TIMP3: variants seen among roughly 807,000 people sequenced by gnomAD.
The protein encoded by TIMP3 is metalloproteinase inhibitor 3.
In TIMP3, 11 loss-of-function variants were observed where a neutral mutation model predicts 30.0. The observed-to-expected ratio is 0.37, with a 90% CI of 0.23 to 0.61. The LOEUF (loss-of-function observed/expected upper bound fraction) is 0.61. TIMP3 is among the 20% of genes least tolerant of loss of function. TIMP3 has a pLI of 0.70. For missense variants in TIMP3, 181 were observed against 276.8 expected (o/e 0.65, Z 2.45); for synonymous variants, 112 against 111.3 (o/e 1.01, Z -0.04).
At chr22:32,847,955 C>T (rs560483028) in intron 1 of TIMP3, among the ~76,000 whole-genome samples, 60 of 152,364 alleles carry the variant, frequency 3.9e-4, no homozygotes, top group Middle Eastern at 3.4e-3. Context: ...TGGCAGCCCC[C>T]CTGCCTTTTG....
At chr22:32,808,453 C>T (rs1601408588) in intron 1 of TIMP3, among the ~76,000 whole-genome samples, 1 of 152,088 alleles carries the variant, frequency 6.6e-6, no homozygotes, top group East Asian at 1.9e-4. Context: ...GCTGGGGTCT[C>T]ATTATTATGG....
Position 32,802,013 on chromosome 22 carries a change from G to T in TIMP3, c.12G>T (p.Trp4Cys). MTP[W>C]LGLIVLLGSW... is the part of the protein sequence containing the mutation. ...CGGCAGCAGCGGCAATGACCCCTTG[G>T]CTCGGGCTCATCGTGCTCCTGGGCA... Residue 4 changes from tryptophan (W) to cysteine (C), a missense_variant, in exon 1 of 5, where the codon TGG becomes TGT. Trp to Cys is a radical substitution (Grantham distance 215, BLOSUM62 -2). This residue lies in a region of TIMP3 where 71 missense variants were observed against 79.7 expected (regional missense o/e 0.89). Transcript: ENST00000266085. 1 of 1,580,392 alleles carries T rather than the reference G, an allele frequency of 6.3e-7. No homozygotes were observed. The highest frequency in any genetic ancestry group is 1.1e-5 in the South Asian group (1 of 87,106).
At chr22:32,854,697 C>T (rs2048315096) in intron 2 of TIMP3, among the ~76,000 whole-genome samples, 1 of 152,146 alleles carries the variant, frequency 6.6e-6, no homozygotes, top group Non-Finnish European at 1.5e-5. Flanking sequence ...CATCGTGACT[C>T]TACCCACCCC....
intron 1 of TIMP3, among the ~76,000 whole-genome samples, chr22:32,840,084 G>T (rs545468159): frequency 6.6e-6 from 1 of 152,238 alleles, no homozygotes; most frequent in South Asian, 2.1e-4. Flanking sequence ...TGAGAAACAG[G>T]AATCTCTGGG....
intron 1 of TIMP3, among the ~76,000 whole-genome samples, chr22:32,831,865 C>CA (rs537524516): frequency 2.9e-4 from 44 of 152,014 alleles, no homozygotes; most frequent in African/African-American, 1.0e-3. Context: ...CAACCTCCAC[C>CA]AAAAAAAGAC....
rs554819474 is a variant in TIMP3, at chr22:32,839,993, C to A, written c.122-9459C>A. On this transcript the variant is annotated intron_variant, in intron 1 of 4. Transcript: ENST00000266085. ...GAGCCAGGAGCTCACAAAGGCCCCT[C>A]CTCCCCTTCCCCGGGAGGTCCAGGA... Among the ~76,000 whole-genome samples, 5 of 152,214 alleles carry A rather than the reference C, an allele frequency of 3.3e-5. No homozygotes were observed. The East Asian group carries it at 9.8e-4, about 30-fold the overall frequency.
At chr22:32,815,994 G>C (rs150321393) in intron 1 of TIMP3, among the ~76,000 whole-genome samples, 1 of 152,316 alleles carries the variant, frequency 6.6e-6, no homozygotes, top group East Asian at 1.9e-4. Context: ...GTAAGGAACA[G>C]AACAGGGAGG....
intron 1 of TIMP3, 107 bp downstream of exon 1, chr22:32,802,229 G>C (rs2046608299): frequency 2.1e-6 from 3 of 1,460,468 alleles, no homozygotes; most frequent in Non-Finnish European, 2.7e-6. Flanking sequence ...CCAGGAGAGG[G>C]GCAGACGGGG....
Position 32,859,580 on chromosome 22 carries a change from T to A in TIMP3, c.*203T>A. The A allele has an allele frequency of 1.5e-6, 1 of 647,788 alleles. No individual in the cohort carries two copies. The highest frequency in any genetic ancestry group is 2.3e-5 in the South Asian group (1 of 43,878). The allele number at this position is 647,788 out of a possible 1,614,324, so 40.1% of individuals were successfully genotyped here. A position where few individuals can be genotyped will look rare whatever the true frequency, so the allele number is the denominator to read the frequency against. ...GCCCCACCCTGCCCCTTCTTTTTGGTTTTGACATCATTCATTTCCACCTGG... is the reference window on the plus strand; with the variant it reads ...GCCCCACCCTGCCCCTTCTTTTTGGATTTGACATCATTCATTTCCACCTGG... On this transcript the variant is annotated 3_prime_UTR_variant, in exon 5 of 5. Coordinates refer to ENST00000266085, the MANE Select transcript of TIMP3 (RefSeq NM_000362.5).
At chr22:32,836,702 G>C (rs973224520) in intron 1 of TIMP3, among the ~76,000 whole-genome samples, 14 of 152,134 alleles carry the variant, frequency 9.2e-5, no homozygotes, top group Admixed American at 8.5e-4. Context: ...GAGTGAGTAG[G>C]GGACACCCGC....
chr22:32,829,969 T>G (rs1463279534), intron 1 of TIMP3, among the ~76,000 whole-genome samples: 3 of 152,200 alleles, frequency 2.0e-5, no homozygotes, highest in Non-Finnish European at 4.4e-5. Context: ...TCTGCATTGC[T>G]CTGGGGTGTT....
At chr22:32,807,312 A>G (rs1195609273) in intron 1 of TIMP3, among the ~76,000 whole-genome samples, 1 of 121,756 alleles carries the variant, frequency 8.2e-6, no homozygotes, top group Non-Finnish European at 1.6e-5. Flanking sequence ...ATATAAATAT[A>G]TAATATATAA....
chr22:32,802,336 G>A (rs1450190939), intron 1 of TIMP3, among the ~76,000 whole-genome samples: 1 of 152,132 alleles, frequency 6.6e-6, no homozygotes, highest in Non-Finnish European at 1.5e-5. Context: ...AGTGGCTGAG[G>A]GAGCCCCTGG....
At chr22:32,827,701 A>G (rs2047453491) in intron 1 of TIMP3, among the ~76,000 whole-genome samples, 1 of 152,194 alleles carries the variant, frequency 6.6e-6, no homozygotes, top group South Asian at 2.1e-4. Flanking sequence ...AAAGCCCTCC[A>G]GTGGCTTCTT....
rs1435014564 is a variant in TIMP3 at position 32,859,714 on chromosome 22, G to A, written c.*337G>A. ...ACAAAAATGAAAAACTACTCCATTTGAGGATTGTAATTCCCACCCCTCTTG... is the reference window on the plus strand; with the variant it reads ...ACAAAAATGAAAAACTACTCCATTTAAGGATTGTAATTCCCACCCCTCTTG... On this transcript the variant is annotated 3_prime_UTR_variant, in exon 5 of 5. Coordinates refer to ENST00000266085, the MANE Select transcript of TIMP3 (RefSeq NM_000362.5). The A allele has an allele frequency of 3.3e-6, 1 of 307,140 alleles. No homozygotes were observed. Among genetic ancestry groups the A allele is most frequent in the Non-Finnish European group, 6.1e-6 (1 of 164,282 alleles). The allele number at this position is 307,140 out of a possible 1,614,324, so 19.0% of individuals were successfully genotyped here.
chr22:32,854,102 T>G (rs2048297448), intron 2 of TIMP3, among the ~76,000 whole-genome samples: 1 of 152,242 alleles, frequency 6.6e-6, no homozygotes, highest in African/African-American at 2.4e-5. Context: ...TAGATCTCTA[T>G]GATTACAGAC....
At chr22:32,805,199 G>T (rs2046695445) in intron 1 of TIMP3, among the ~76,000 whole-genome samples, 1 of 152,122 alleles carries the variant, frequency 6.6e-6, no homozygotes, top group South Asian at 2.1e-4. Context: ...TTCGGGGCCT[G>T]CCTCTGAGCC....
rs150866184 is a variant in TIMP3, at chr22:32,828,821, G to A, written c.122-20631G>A. 2.6e-3 allele frequency among the ~76,000 whole-genome samples: 392 copies of A among 152,316 alleles called. 3 individuals are homozygous for A. The highest frequency in any genetic ancestry group is 0.014 in the Middle Eastern group (4 of 294). On this transcript the variant is annotated intron_variant, in intron 1 of 4. Coordinates refer to ENST00000266085, the MANE Select transcript of TIMP3 (RefSeq NM_000362.5). ...TCCCAGATTCAGTGCTGGAGCCAGCGGTGGGGAGGGGAGTAGGGGCTGAAG... is the reference window on the plus strand; with the variant it reads ...TCCCAGATTCAGTGCTGGAGCCAGCAGTGGGGAGGGGAGTAGGGGCTGAAG...
chr22:32,850,107 T>C (rs577451377), intron 2 of TIMP3, among the ~76,000 whole-genome samples: 3 of 149,994 alleles, frequency 2.0e-5, no homozygotes, highest in Non-Finnish European at 3.0e-5. Flanking sequence ...GCATCCTAGA[T>C]AGTTAGCAAT....
Sources: allele counts gnomAD v4.1 joint callset (sites outside exome capture counted in the v4.1 genomes callset), GRCh38; gene constraint gnomAD v4.1.1; regional missense constraint gnomAD v4.1.1; transcripts MANE v1.5; gene names NCBI Gene and HGNC (gene_info 2026-07-23, HGNC 2026-07-21).